Variants in HAPLN1 observed in about 807,000 individuals in gnomAD.
HAPLN1 encodes the protein Cartilage link protein.
Under a neutral mutation model 36.5 loss-of-function variants are expected in HAPLN1, and 13 were observed. That is an observed-to-expected ratio of 0.36 (90% CI 0.23 to 0.57). The LOEUF (loss-of-function observed/expected upper bound fraction) is 0.57, where lower values mean the gene tolerates loss of function less well. HAPLN1 is among the 20% of genes least tolerant of loss of function. The pLI is 0.83. For missense variants in HAPLN1, 407 were observed against 439.7 expected (o/e 0.93, Z 0.66); for synonymous variants, 202 against 169.8 (o/e 1.19, Z -1.48).
intron 1 of HAPLN1, among the ~76,000 whole-genome samples, chr5:83,717,524 A>G (rs1170304001): frequency 6.6e-6 from 1 of 152,196 alleles, no homozygotes; most frequent in Non-Finnish European, 1.5e-5. Context: ...GAATTTCACA[A>G]CTTGTATTGA....
At chr5:83,709,979 G>T (rs1751740500) in intron 1 of HAPLN1, among the ~76,000 whole-genome samples, 1 of 152,168 alleles carries the variant, frequency 6.6e-6, no homozygotes, top group Admixed American at 6.5e-5. Flanking sequence ...AAACGGAGTG[G>T]AGAGAAAATG....
chr5:83,685,299 G>A (rs1238511093), intron 1 of HAPLN1, among the ~76,000 whole-genome samples: 2 of 152,178 alleles, frequency 1.3e-5, no homozygotes, highest in Non-Finnish European at 2.9e-5. Context: ...GCTCAGGGAT[G>A]CTATGTATGC....
At chr5:83,670,928 C>T (rs1055059682) in intron 2 of HAPLN1, among the ~76,000 whole-genome samples, 5 of 152,142 alleles carry the variant, frequency 3.3e-5, no homozygotes, top group Middle Eastern at 6.8e-3. Flanking sequence ...CCCCTGACCT[C>T]GTGATCCACC....
chr5:83,673,541 T>A lies in HAPLN1; in HGVS notation c.-18A>T, dbSNP rs771491900. ...CTCTTCATCTTTATAGCCCAAAGAATCTTCTTCACTGCGAGAGCATCACAT... is the reference window on the plus strand; with the variant it reads ...CTCTTCATCTTTATAGCCCAAAGAAACTTCTTCACTGCGAGAGCATCACAT... On this transcript the variant is annotated 5_prime_UTR_variant, in exon 2 of 5. Transcript: ENST00000274341. 6.4e-7 allele frequency: 1 copy of A among 1,559,368 alleles called. No individual in the cohort carries two copies. The highest frequency in any genetic ancestry group is 2.2e-5 in the East Asian group (1 of 44,544).
chr5:83,693,761 C>T (rs1751331085), intron 1 of HAPLN1, among the ~76,000 whole-genome samples: 1 of 151,612 alleles, frequency 6.6e-6, no homozygotes, highest in South Asian at 2.1e-4. Flanking sequence ...GATAAAGTGT[C>T]CAATTATCAG....
chr5:83,656,726 G>C (rs1449531597), intron 2 of HAPLN1, among the ~76,000 whole-genome samples: 2 of 152,260 alleles, frequency 1.3e-5, no homozygotes, highest in Admixed American at 6.5e-5. Flanking sequence ...GTTGTCTCCA[G>C]GGGAAACTGC....
intron 2 of HAPLN1, among the ~76,000 whole-genome samples, chr5:83,653,821 C>T (rs1172673330): frequency 6.6e-6 from 1 of 152,208 alleles, no homozygotes; most frequent in Non-Finnish European, 1.5e-5. Flanking sequence ...TCTGGGGTTT[C>T]CCCCTGGCTA....
At chr5:83,680,568 C>T (rs550730120) in intron 1 of HAPLN1, among the ~76,000 whole-genome samples, 29 of 152,062 alleles carry the variant, frequency 1.9e-4, no homozygotes, top group African/African-American at 4.1e-4. Context: ...AGTCTGTTTC[C>T]GGACCAGATA....
At chr5:83,661,543 C>A (rs1209358023) in intron 2 of HAPLN1, among the ~76,000 whole-genome samples, 1 of 142,108 alleles carries the variant, frequency 7.0e-6, no homozygotes, top group Admixed American at 7.4e-5. Flanking sequence ...CTCCCGGGTT[C>A]ACGCCATTGT....
intron 2 of HAPLN1, among the ~76,000 whole-genome samples, chr5:83,666,264 T>G (rs1424543790): frequency 6.6e-6 from 1 of 152,112 alleles, no homozygotes; most frequent in Non-Finnish European, 1.5e-5. Flanking sequence ...AATCAGAGAA[T>G]CAACATGTTG....
rs1477481988 is a variant in HAPLN1, at chr5:83,639,256, C to T, written c.*2240G>A. The T allele has an allele frequency of 6.6e-6, 1 of 151,976 alleles. No individual in the cohort carries two copies. Among genetic ancestry groups the T allele is most frequent in the Non-Finnish European group, 1.5e-5 (1 of 67,902 alleles). 9.4% of individuals were successfully genotyped at this position (151,976 alleles called of 1,614,324 possible). A position where few individuals can be genotyped will look rare whatever the true frequency, so the allele number is the denominator to read the frequency against. Reference sequence around the variant, plus strand: ...AATGAGAAGAAAAAATTCTGCTCAGCAGTATTCACTGTGTTAAGATTTTTT... The same window carrying T: ...AATGAGAAGAAAAAATTCTGCTCAGTAGTATTCACTGTGTTAAGATTTTTT... On this transcript the variant is annotated 3_prime_UTR_variant, in exon 5 of 5. Coordinates refer to ENST00000274341, the MANE Select transcript of HAPLN1 (RefSeq NM_001884.4).
rs758972789 is a variant in HAPLN1 at position 83,641,445 on chromosome 5, C to G, written c.*51G>C. 16 of 1,484,006 alleles carry G rather than the reference C, an allele frequency of 1.1e-5. No homozygotes were observed. The South Asian group carries it at 2.1e-4, about 20-fold the overall frequency. 91.9% of individuals were successfully genotyped at this position (1,484,006 alleles called of 1,614,324 possible). A position where few individuals can be genotyped will look rare whatever the true frequency, so the allele number is the denominator to read the frequency against. On this transcript the variant is annotated 3_prime_UTR_variant, in exon 5 of 5. Transcript: ENST00000274341. ...GAGTTCATATTGGAAAAAAAAAACA[C>G]CTTTCACATGTTCTTAATGACTTTA...
intron 1 of HAPLN1, among the ~76,000 whole-genome samples, chr5:83,701,209 GA>G (rs1413923279): frequency 2.0e-5 from 3 of 152,190 alleles, no homozygotes; most frequent in Non-Finnish European, 2.9e-5. Flanking sequence ...AATTTTGCAG[GA>G]AAAACATAAT....
At chr5:83,673,593 C>T in intron 1 of HAPLN1, 44 bp from the exon 2 acceptor site, 1 of 1,141,458 alleles carries the variant, frequency 8.8e-7, no homozygotes, top group Non-Finnish European at 1.3e-6. Flanking sequence ...GATTTGGAAC[C>T]CTTTGGAGTG....
At chr5:83,686,019 TG>T (rs1751112144) in intron 1 of HAPLN1, 1 of 152,006 alleles carries the variant, frequency 6.6e-6, no homozygotes, top group African/African-American at 2.4e-5. Flanking sequence ...AAAGCATATG[TG>T]CTTTTGATTT....
At chr5:83,674,179 A>T (rs1750800711) in intron 1 of HAPLN1, 1 of 152,266 alleles carries the variant, frequency 6.6e-6, no homozygotes, top group Admixed American at 6.5e-5. Flanking sequence ...GAAAATTATG[A>T]ACAAACTAGG....
At chr5:83,658,836 T>G (rs1750297686) in intron 2 of HAPLN1, among the ~76,000 whole-genome samples, 1 of 152,184 alleles carries the variant, frequency 6.6e-6, no homozygotes, top group Admixed American at 6.5e-5. Flanking sequence ...AGTTCATTAC[T>G]TTTATCAGAG....
intron 1 of HAPLN1, among the ~76,000 whole-genome samples, chr5:83,710,688 T>C (rs1275187338): frequency 6.6e-6 from 1 of 152,202 alleles, no homozygotes; most frequent in African/African-American, 2.4e-5. Context: ...CGGTGCCTCA[T>C]GTCTGTAATC....
chr5:83,656,968 C>A (rs1212230032), intron 2 of HAPLN1, among the ~76,000 whole-genome samples: 1 of 152,088 alleles, frequency 6.6e-6, no homozygotes, highest in East Asian at 1.9e-4. Flanking sequence ...GACATTGGAC[C>A]ACTGCCTATT....
Sources: gnomAD v4.1 joint callset for allele counts (sites outside exome capture counted in the v4.1 genomes callset) on GRCh38, gnomAD v4.1.1 for gene constraint, MANE v1.5 for transcripts, NCBI Gene and HGNC (gene_info 2026-07-23, HGNC 2026-07-21) for gene names.